Variants in RNF220 observed in about 807,000 individuals in gnomAD.
RNF220 encodes ring finger protein 220, also known as E3 ubiquitin-protein ligase RNF220.
Under a neutral mutation model 67.1 loss-of-function variants are expected in RNF220, and 7 were observed. The ratio of observed to expected loss-of-function variants is 0.10; its 90% CI spans 0.06 to 0.20. The LOEUF is 0.20. Among genes scored for constraint, RNF220 ranks in the 10% least tolerant of loss-of-function variants. The pLI is 1.00. For synonymous variants in RNF220, 270 were observed against 283.2 expected (o/e 0.95, Z 0.47); for missense variants, 565 against 740.3 (o/e 0.76, Z 2.75).
chr1:44,506,658 C>G (rs1658458865), intron 2 of RNF220, among the ~76,000 whole-genome samples: 3 of 152,226 alleles, frequency 2.0e-5, no homozygotes, highest in South Asian at 2.1e-4. Context: ...AACGGGCGCT[C>G]TGACTGGCTG....
chr1:44,519,918 G>T (rs1005986377), intron 2 of RNF220, among the ~76,000 whole-genome samples: 3 of 152,040 alleles, frequency 2.0e-5, no homozygotes, highest in African/African-American at 7.3e-5. Context: ...TAATTGGGAG[G>T]GTGGTGGTGA....
intron 2 of RNF220, among the ~76,000 whole-genome samples, chr1:44,609,583 G>A (rs1667517513): frequency 6.6e-6 from 1 of 152,206 alleles, no homozygotes; most frequent in South Asian, 2.1e-4. Context: ...GGTTGTGCCG[G>A]CACTTGAGTT....
intron 2 of RNF220, among the ~76,000 whole-genome samples, chr1:44,498,720 G>C (rs1572687025): frequency 6.6e-6 from 1 of 152,168 alleles, no homozygotes; most frequent in African/African-American, 2.4e-5. Context: ...CTTTCAACAG[G>C]ACTTGTTAAA....
chr1:44,438,354 C>G (rs1026691987), intron 2 of RNF220, among the ~76,000 whole-genome samples: 1 of 152,168 alleles, frequency 6.6e-6, no homozygotes, highest in Admixed American at 6.5e-5. Context: ...AACTCCTGGG[C>G]TCAAGCGATC....
At chr1:44,472,511 A>T (rs2147995862) in intron 2 of RNF220, among the ~76,000 whole-genome samples, 1 of 152,202 alleles carries the variant, frequency 6.6e-6, no homozygotes, top group African/African-American at 2.4e-5. Flanking sequence ...GCATCTTTTC[A>T]TTTTGGGGCC....
At chr1:44,526,230 CCTGA>C (rs1660364403) in intron 2 of RNF220, among the ~76,000 whole-genome samples, 2 of 152,196 alleles carry the variant, frequency 1.3e-5, no homozygotes, top group Admixed American at 1.3e-4. Context: ...ACTAGCAGAC[CCTGA>C]CTAAGTCTCA....
chr1:44,641,753 G>A (rs1644496071), intron 8 of RNF220, among the ~76,000 whole-genome samples: 1 of 152,216 alleles, frequency 6.6e-6, no homozygotes, highest in African/African-American at 2.4e-5. Flanking sequence ...GGCAGCAGCA[G>A]CCTGTTCTGA....
chr1:44,412,713 A>G lies in RNF220; in HGVS notation c.616A>G (p.Asn206Asp). 6.2e-7 allele frequency: 1 copy of G among 1,613,740 alleles called. No homozygotes were observed. Among genetic ancestry groups the G allele is most frequent in the Non-Finnish European group, 8.5e-7 (1 of 1,179,746 alleles). ...REASSSPEDR[N>D]DRCKKKAAAL... ...AGCCTCATCTAGCCCAGAGGATCGG[A>G]ATGACAGATGTAAGTACTTTGGTTC... The change falls in exon 2 of 15, where the codon AAT becomes GAT. Residue 206 changes from asparagine (N) to aspartate (D), a missense_variant. Asn to Asp is a conservative substitution (Grantham distance 23, BLOSUM62 1). Coordinates refer to ENST00000361799, the MANE Select transcript of RNF220 (RefSeq NM_018150.4). The surrounding 1 kb of genome is among the most constrained non-coding windows in gnomAD (Gnocchi z 5.3).
At chr1:44,608,463 A>G (rs1667440954) in intron 2 of RNF220, among the ~76,000 whole-genome samples, 1 of 152,182 alleles carries the variant, frequency 6.6e-6, no homozygotes, top group African/African-American at 2.4e-5. Context: ...CTGGATTCAG[A>G]CAGAACTGGA....
rs548098773 is a variant in RNF220, at chr1:44,524,059, G to T, written c.626-90106G>T. Among the ~76,000 whole-genome samples the T allele has an allele frequency of 2.6e-5, 4 of 151,854 alleles. No individual in the cohort carries two copies. In the East Asian group the frequency reaches 7.7e-4, roughly 29 times the overall value. On this transcript the variant is annotated intron_variant, in intron 2 of 14. Transcript: ENST00000361799. ...GGGGGAGACTCCCCCTGCCACTCTG[G>T]TGCCCCAGCAGCAGCCTGGCTAGAG...
chr1:44,528,329 C>T (rs997254253), intron 2 of RNF220, among the ~76,000 whole-genome samples: 2 of 150,016 alleles, frequency 1.3e-5, no homozygotes, highest in African/African-American at 4.9e-5. Flanking sequence ...GAGACGGAGT[C>T]TCACTCTGTC....
intron 3 of RNF220, among the ~76,000 whole-genome samples, chr1:44,616,996 G>GT (rs962760372): frequency 6.6e-6 from 1 of 151,642 alleles, no homozygotes; most frequent in Admixed American, 6.6e-5. Context: ...GAGCATCCCC[G>GT]TGTCCATTTC....
rs1013847278 is a variant in RNF220 at position 44,467,422 on chromosome 1, G to C, written c.625+54700G>C. On this transcript the variant is annotated intron_variant, in intron 2 of 14. Coordinates refer to ENST00000361799, the MANE Select transcript of RNF220 (RefSeq NM_018150.4). ...GGCAGGGTTTCTCCATGTTGGTCAGGCTGGTCTCGAACTCCCAGCCTCAGG... is the reference window on the plus strand; with the variant it reads ...GGCAGGGTTTCTCCATGTTGGTCAGCCTGGTCTCGAACTCCCAGCCTCAGG... Among the ~76,000 whole-genome samples the C allele has an allele frequency of 3.3e-5, 5 of 152,336 alleles. No individual in the cohort carries two copies. In the East Asian group the frequency reaches 9.6e-4, roughly 29 times the overall value.
chr1:44,643,593 C>T (rs934672291), intron 8 of RNF220: 1 of 152,196 alleles, frequency 6.6e-6, no homozygotes, highest in South Asian at 2.1e-4. Flanking sequence ...ACAAGACATA[C>T]CCTAATGAGA....
Position 44,622,425 on chromosome 1 carries a change from G to A in RNF220, c.759-317G>A, listed in dbSNP as rs542703261. Among the ~76,000 whole-genome samples the A allele has an allele frequency of 2.6e-5, 4 of 152,212 alleles. No individual in the cohort carries two copies. The highest frequency in any genetic ancestry group is 5.9e-5 in the Non-Finnish European group (4 of 68,020). On this transcript the variant is annotated intron_variant, in intron 3 of 14. Coordinates refer to ENST00000361799, the MANE Select transcript of RNF220 (RefSeq NM_018150.4). This position sits in a 1 kb window ranked among gnomAD's most constrained non-coding sequence, Gnocchi z 4.3. ...GGAGAGAAGGGGGTCTCCAGGACAG[G>A]CAGAATCTTCAGGGCTGATACGAGG...
intron 2 of RNF220, among the ~76,000 whole-genome samples, chr1:44,612,967 C>T (rs1222298279): frequency 6.6e-6 from 1 of 152,218 alleles, no homozygotes; most frequent in Non-Finnish European, 1.5e-5. Context: ...GCAGTCAGAG[C>T]ATCCATGGAT....
At chr1:44,508,524 G>C in intron 2 of RNF220, among the ~76,000 whole-genome samples, 2 of 152,284 alleles carry the variant, frequency 1.3e-5, no homozygotes, top group Middle Eastern at 6.8e-3. Context: ...AAGAACATCC[G>C]TAGAAGGGAC....
At chr1:44,558,567 A>G (rs1479274862) in intron 2 of RNF220, among the ~76,000 whole-genome samples, 1 of 152,214 alleles carries the variant, frequency 6.6e-6, no homozygotes, top group Non-Finnish European at 1.5e-5. Context: ...CATCCTTTAT[A>G]TTGAGTATCA....
chr1:44,626,527 CCT>C, intron 5 of RNF220, 129 bp downstream of exon 5: 4 of 699,194 alleles, frequency 5.7e-6, no homozygotes, highest in East Asian at 2.7e-5. Flanking sequence ...TTTGGTTCCC[CCT>C]GTGTCCCGTG....
Sources: gnomAD v4.1 joint callset for allele counts (sites outside exome capture counted in the v4.1 genomes callset) on GRCh38, gnomAD v4.1.1 for gene constraint, Gnocchi (gnomAD v3.1) non-coding constraint, MANE v1.5 for transcripts, NCBI Gene and HGNC (gene_info 2026-07-23, HGNC 2026-07-21) for gene names.